EIF3H: variants seen among roughly 807,000 people sequenced by gnomAD.
EIF3H encodes the protein eIF-3-gamma.
A neutral mutation model predicts 44.2 loss-of-function variants in EIF3H; 26 were observed. The ratio of observed to expected loss-of-function variants is 0.59; its 90% CI spans 0.43 to 0.82. The LOEUF is 0.82. EIF3H is among the 40% of genes least tolerant of loss of function. The probability of loss-of-function intolerance (pLI) is 0.00; values close to 1 mark genes in which losing one functional copy is unlikely to be tolerated. For missense variants in EIF3H, 359 were observed against 432.8 expected, an observed-to-expected ratio of 0.83 and a Z score of 1.51; for synonymous variants, 166 against 151.9, an observed-to-expected ratio of 1.09 and a Z score of -0.68.
At chr8:116,700,734 G>GT (rs1814361028) in intron 2 of EIF3H, among the ~76,000 whole-genome samples, 2 of 152,176 alleles carry the variant, frequency 1.3e-5, no homozygotes, top group Admixed American at 1.3e-4. Flanking sequence ...TACTATGAAA[G>GT]TTAAATTTAG....
At chr8:116,744,146 T>C (rs1369705452) in intron 1 of EIF3H, among the ~76,000 whole-genome samples, 1 of 150,024 alleles carries the variant, frequency 6.7e-6, no homozygotes, top group Admixed American at 6.7e-5. Flanking sequence ...GGGTAGACAG[T>C]GGTTATCACT....
In EIF3H at chr8:116,657,113, A is replaced by C. The variant is rs371799557; in HGVS notation, c.557+102T>G. 3 of 1,014,168 alleles carry C rather than the reference A, an allele frequency of 3.0e-6. No homozygotes were observed. In the South Asian group the frequency reaches 4.0e-5, roughly 13 times the overall value. 62.8% of individuals were successfully genotyped at this position (1,014,168 alleles called of 1,614,324 possible). A position where few individuals can be genotyped will look rare whatever the true frequency, so the allele number is the denominator to read the frequency against. On this transcript the variant is annotated intron_variant, in intron 4 of 7. Transcript: ENST00000521861. ...AGAAAACTTCTACAGTCCACATGGCAAAAGCATTACCACACCACAACCAAG... is the reference window on the plus strand; with the variant it reads ...AGAAAACTTCTACAGTCCACATGGCCAAAGCATTACCACACCACAACCAAG...
upstream of EIF3H, chr8:116,755,879 C>T: frequency 2.5e-6 from 4 of 1,583,602 alleles, no homozygotes; most frequent in Non-Finnish European, 2.6e-6. Context: ...ACTCGCAGGC[C>T]GGCGTTCGAG....
At chr8:116,728,849 T>C (rs947975235) in intron 1 of EIF3H, among the ~76,000 whole-genome samples, 2 of 152,180 alleles carry the variant, frequency 1.3e-5, no homozygotes, top group Admixed American at 6.5e-5. Context: ...ATAGCACTAT[T>C]TCATAGCATT....
intron 1 of EIF3H, among the ~76,000 whole-genome samples, chr8:116,739,454 T>G (rs1460040911): frequency 6.6e-6 from 1 of 152,076 alleles, no homozygotes; most frequent in African/African-American, 2.4e-5. Context: ...ATCGAGACCA[T>G]CCTGGCTAAA....
At chr8:116,651,524 G>A (rs1261376422) in intron 5 of EIF3H, among the ~76,000 whole-genome samples, 1 of 152,210 alleles carries the variant, frequency 6.6e-6, no homozygotes, top group Non-Finnish European at 1.5e-5. Context: ...GAACTAAGGT[G>A]TATGTGAGTA....
intron 2 of EIF3H, among the ~76,000 whole-genome samples, chr8:116,703,530 C>T (rs1211165548): frequency 3.3e-5 from 5 of 152,206 alleles, no homozygotes; most frequent in East Asian, 1.9e-4. Flanking sequence ...CACCTGGCTC[C>T]GCCTTCTGGA....
At chr8:116,668,076 T>C (rs539849612) in intron 2 of EIF3H, among the ~76,000 whole-genome samples, 3 of 152,304 alleles carry the variant, frequency 2.0e-5, no homozygotes, top group African/African-American at 7.2e-5. Context: ...GTTAAGAGGA[T>C]TTGAGCCGTC....
At chr8:116,765,355 A>C (rs1815560411) in intron 1 of EIF3H, among the ~76,000 whole-genome samples, 1 of 152,224 alleles carries the variant, frequency 6.6e-6, no homozygotes, top group Non-Finnish European at 1.5e-5. Context: ...AAACCTACAT[A>C]TTGAAATAAA....
intron 2 of EIF3H, among the ~76,000 whole-genome samples, chr8:116,659,205 A>G (rs1813544613): frequency 6.6e-6 from 1 of 152,254 alleles, no homozygotes; most frequent in Non-Finnish European, 1.5e-5. Context: ...AATATTTTGT[A>G]GAAAATGTAT....
At chr8:116,750,780 T>C (rs1815323756) in intron 1 of EIF3H, among the ~76,000 whole-genome samples, 1 of 151,870 alleles carries the variant, frequency 6.6e-6, no homozygotes, top group South Asian at 2.1e-4. Context: ...CTACAAAGCT[T>C]GGAAAGAAAG....
Position 116,649,087 on chromosome 8 carries a change from T to C in EIF3H, c.708-161A>G, listed in dbSNP as rs530156777. ...AGCAGAGGAAAAAATCTGAGTCAAC[T>C]TGTTACTAAACTTTCCATACCGAAC... On this transcript the variant is annotated intron_variant, in intron 5 of 7. Transcript: ENST00000521861. Among the ~76,000 whole-genome samples, 5 of 152,336 alleles carry C rather than the reference T, an allele frequency of 3.3e-5. 1 individual carries two copies. The South Asian group carries it at 1.0e-3, about 32-fold the overall frequency.
At chr8:116,737,341 A>G in intron 1 of EIF3H, 1 of 430,020 alleles carries the variant, frequency 2.3e-6, no homozygotes, top group South Asian at 1.7e-5. Context: ...AAAAAAGCCC[A>G]TAACCCAAAA....
intron 1 of EIF3H, chr8:116,734,464 C>A: frequency 2.2e-6 from 1 of 444,552 alleles, no homozygotes; most frequent in Non-Finnish European, 4.5e-6. Flanking sequence ...AAGAAAAAGG[C>A]CTCTAGATGG....
At chr8:116,658,736 T>TA (rs1813533249) in intron 3 of EIF3H, 77 bp downstream of exon 3, 2 of 1,488,816 alleles carry the variant, frequency 1.3e-6, no homozygotes, top group South Asian at 2.6e-5. Flanking sequence ...AGACTGCTCT[T>TA]AGAGGCAAAA....
At chr8:116,762,693 G>A (rs1223107691) in intron 1 of EIF3H, among the ~76,000 whole-genome samples, 2 of 152,212 alleles carry the variant, frequency 1.3e-5, no homozygotes, top group South Asian at 4.1e-4. Flanking sequence ...CAGCACTTTG[G>A]GAGGCCAAGG....
rs1051576742 is a variant in EIF3H, at chr8:116,743,508, C to T, written c.132+12158G>A. On this transcript the variant is annotated intron_variant, in intron 1 of 7. Transcript: ENST00000521861. ...CCTATAATCCCAGTACTTTGGGAGGCTGAGGCAGGCGGATCACTTGAGGCC... is the reference window on the plus strand; with the variant it reads ...CCTATAATCCCAGTACTTTGGGAGGTTGAGGCAGGCGGATCACTTGAGGCC... Among the ~76,000 whole-genome samples the T allele has an allele frequency of 4.0e-5, 6 of 151,836 alleles. No homozygotes were observed. The South Asian group carries it at 1.2e-3, about 32-fold the overall frequency.
upstream of EIF3H, chr8:116,755,921 G>T (rs1815440040): frequency 6.5e-7 from 1 of 1,542,622 alleles, no homozygotes; most frequent in African/African-American, 1.4e-5. Context: ...CCAAAATTGG[G>T]CCCCGCCTCC....
intron 2 of EIF3H, among the ~76,000 whole-genome samples, chr8:116,681,746 T>C (rs757962523): frequency 4.7e-4 from 71 of 152,254 alleles, no homozygotes; most frequent in Non-Finnish European, 9.0e-4. Context: ...TAATAACTAC[T>C]GTGTTAAAGA....
Sources: gnomAD v4.1 joint callset for allele counts (sites outside exome capture counted in the v4.1 genomes callset) on GRCh38, gnomAD v4.1.1 for gene constraint, MANE v1.5 for transcripts, NCBI Gene and HGNC (gene_info 2026-07-23, HGNC 2026-07-21) for gene names.